ZNF536: variants seen among roughly 807,000 people sequenced by gnomAD.
ZNF536 encodes zinc finger protein 536.
A neutral mutation model predicts 84.5 loss-of-function variants in ZNF536; 13 were observed. The ratio of observed to expected loss-of-function variants is 0.15; its 90% CI spans 0.10 to 0.24. The LOEUF is 0.24. Among genes scored for constraint, ZNF536 ranks in the 10% least tolerant of loss-of-function variants. The pLI is 1.00. For missense variants in ZNF536, 1,536 were observed against 1,747.5 expected (o/e 0.88, Z 2.16); for synonymous variants, 811 against 742.5 (o/e 1.09, Z -1.50).
intron 1 of ZNF536, among the ~76,000 whole-genome samples, chr19:30,603,314 G>A (rs963744548): frequency 1.3e-5 from 2 of 152,174 alleles, no homozygotes; most frequent in Non-Finnish European, 1.5e-5. Flanking sequence ...TGGATGGATG[G>A]ATGGACAAAT....
chr19:30,351,729 A>G (rs1170160525), intron 2 of ZNF536, among the ~76,000 whole-genome samples: 1 of 152,250 alleles, frequency 6.6e-6, no homozygotes, highest in Non-Finnish European at 1.5e-5. Context: ...TGGACTGGTG[A>G]TAATCTATTT....
intron 1 of ZNF536, among the ~76,000 whole-genome samples, chr19:30,628,707 A>T (rs1488987773): frequency 7.0e-6 from 1 of 143,108 alleles, no homozygotes; most frequent in Non-Finnish European, 1.5e-5. Flanking sequence ...TTATTTATTT[A>T]TTTTTTTGTT....
rs34028638 is a variant in ZNF536 at position 30,470,470 on chromosome 19, GTTT to G, written c.2170+24751_2170+24753del. ...CATCCATAATACCACATTACATTTA[GTTT>G]TTTTTTTTTTTTAATTAATAAACTT... On this transcript the variant is annotated intron_variant, in intron 2 of 4. Coordinates refer to ENST00000355537, the MANE Select transcript of ZNF536 (RefSeq NM_014717.3). Among the ~76,000 whole-genome samples, 105 of 143,236 alleles carry G rather than the reference GTTT, an allele frequency of 7.3e-4. 1 individual carries two copies. Among genetic ancestry groups the G allele is most frequent in the African/African-American group, 2.3e-3 (92 of 40,004 alleles). The allele number at this position is 143,236 out of a possible 152,430, so 94.0% of individuals were successfully genotyped here. A position where few individuals can be genotyped will look rare whatever the true frequency, so the allele number is the denominator to read the frequency against.
At chr19:30,524,667 G>A (rs2044502259) in intron 2 of ZNF536, among the ~76,000 whole-genome samples, 1 of 152,144 alleles carries the variant, frequency 6.6e-6, no homozygotes, top group African/African-American at 2.4e-5. Context: ...ATTTAGGTAA[G>A]AATTCCTGGA....
At chr19:30,413,838 T>C (rs937834083) in intron 1 of ZNF536, among the ~76,000 whole-genome samples, 3 of 152,114 alleles carry the variant, frequency 2.0e-5, no homozygotes, top group African/African-American at 7.2e-5. Context: ...ACGCCTGTAA[T>C]CTCAGCATTT....
chr19:30,469,325 TG>T (rs2053539897), intron 2 of ZNF536, among the ~76,000 whole-genome samples: 1 of 151,846 alleles, frequency 6.6e-6, no homozygotes. Context: ...GGCAGGAGGA[TG>T]GCATGAACCC....
upstream of ZNF536, among the ~76,000 whole-genome samples, chr19:30,369,781 G>T (rs1381446179): frequency 6.6e-6 from 1 of 151,992 alleles, no homozygotes; most frequent in Non-Finnish European, 1.5e-5. Flanking sequence ...TTCTTCAGTG[G>T]CTGCAATCAG....
intron 1 of ZNF536, among the ~76,000 whole-genome samples, chr19:30,237,235 A>G (rs749449807): frequency 6.6e-5 from 10 of 152,108 alleles, no homozygotes; most frequent in Non-Finnish European, 1.3e-4. Context: ...ACCACCTTCA[A>G]TAAAATAATT....
At chr19:30,324,259 A>G (rs1175272041) in intron 2 of ZNF536, among the ~76,000 whole-genome samples, 2 of 152,130 alleles carry the variant, frequency 1.3e-5, no homozygotes, top group Non-Finnish European at 2.9e-5. Context: ...CATCCCATCC[A>G]TCATCCATCA....
In ZNF536 at chr19:30,608,937, T is replaced by G. The variant is rs113825185; in HGVS notation, c.169+59423T>G. ...CCCTTGGGAGATGTGTTGACTCTCATCTCGAAGCCAGGAGTCAGCCACGGA... is the reference window on the plus strand; with the variant it reads ...CCCTTGGGAGATGTGTTGACTCTCAGCTCGAAGCCAGGAGTCAGCCACGGA... On this transcript the variant is annotated intron_variant, in intron 1 of 1. Transcript: ENST00000592773. Among the ~76,000 whole-genome samples the G allele has an allele frequency of 7.0e-3, 1,061 of 152,274 alleles. 15 individuals are homozygous for G. The highest frequency in any genetic ancestry group is 0.024 in the African/African-American group (985 of 41,548).
chr19:30,538,382 G>T (rs144302940), intron 3 of ZNF536, among the ~76,000 whole-genome samples: 10 of 152,256 alleles, frequency 6.6e-5, no homozygotes, highest in Non-Finnish European at 1.3e-4. Flanking sequence ...TATTTTTTCT[G>T]TCCGACTGCA....
chr19:30,477,489 T>A (rs981162573), intron 2 of ZNF536, among the ~76,000 whole-genome samples: 7 of 152,186 alleles, frequency 4.6e-5, no homozygotes, highest in Admixed American at 4.6e-4. Context: ...ATGAAAAAAA[T>A]ATGCTTGAGG....
intron 3 of ZNF536, among the ~76,000 whole-genome samples, chr19:30,539,721 GGTCTGATGTATCT>G (rs2045252329): frequency 6.6e-6 from 1 of 152,138 alleles, no homozygotes; most frequent in Admixed American, 6.5e-5. Context: ...TACTCTGGAA[GGTCTGATGTATCT>G]GTTTTGTGTG....
intron 1 of ZNF536, among the ~76,000 whole-genome samples, chr19:30,590,215 GT>G (rs976696420): frequency 6.6e-6 from 1 of 152,168 alleles, no homozygotes; most frequent in Admixed American, 6.5e-5. Context: ...GGGATACTTG[GT>G]GGGCGTCCTT....
chr19:30,570,256 C>A (rs1449493189), intron 1 of ZNF536, among the ~76,000 whole-genome samples: 3 of 152,198 alleles, frequency 2.0e-5, no homozygotes, highest in Admixed American at 6.5e-5. Flanking sequence ...CCTCCCTCCA[C>A]ATCCTGTCAC....
intron 2 of ZNF536, among the ~76,000 whole-genome samples, chr19:30,446,225 A>C: frequency 7.6e-6 from 1 of 131,040 alleles, no homozygotes; most frequent in East Asian, 2.7e-4. Flanking sequence ...CTCCAGCCTG[A>C]GCGACAGAGT....
At chr19:30,423,121 GCATC>G (rs202164325) in intron 1 of ZNF536, among the ~76,000 whole-genome samples, 3,141 of 25,186 alleles carry the variant, frequency 0.12, 255 homozygotes, top group African/African-American at 0.25. Context: ...ATCCATCCAT[GCATC>G]CATCCATCCA....
intron 1 of ZNF536, among the ~76,000 whole-genome samples, chr19:30,601,307 T>C (rs192491425): frequency 2.0e-5 from 3 of 152,302 alleles, no homozygotes; most frequent in African/African-American, 7.2e-5. Flanking sequence ...ACTCCAGCAG[T>C]GAACATACAA....
chr19:30,492,969 C>T (rs1327910556), intron 2 of ZNF536, among the ~76,000 whole-genome samples: 2 of 152,030 alleles, frequency 1.3e-5, no homozygotes, highest in African/African-American at 2.4e-5. Flanking sequence ...GAAGACCTCT[C>T]GGAAATCAGC....
Sources: allele counts gnomAD v4.1 joint callset (sites outside exome capture counted in the v4.1 genomes callset), GRCh38; gene constraint gnomAD v4.1.1; transcripts MANE v1.5; gene names NCBI Gene and HGNC (gene_info 2026-07-23, HGNC 2026-07-21).